Variants in PAK5 observed in about 807,000 individuals in gnomAD.
PAK5 encodes the protein p21 (RAC1) activated kinase 5, also known as serine/threonine-protein kinase PAK 5.
Under a neutral mutation model 65.9 loss-of-function variants are expected in PAK5, and 16 were observed. The ratio of observed to expected loss-of-function variants is 0.24; its 90% confidence interval spans 0.16 to 0.37. The LOEUF is 0.37. Among genes scored for constraint, PAK5 ranks in the 10% least tolerant of loss-of-function variants. The pLI is 1.00. For synonymous variants in PAK5, 371 were observed against 354.9 expected, an observed-to-expected ratio of 1.05 and a Z score of -0.51; for missense variants, 785 against 903.9, an observed-to-expected ratio of 0.87 and a Z score of 1.69.
intron 1 of PAK5, among the ~76,000 whole-genome samples, chr20:9,759,126 A>G (rs1441107328): frequency 6.6e-6 from 1 of 152,172 alleles, no homozygotes; most frequent in Non-Finnish European, 1.5e-5. Context: ...GGAAGATTTC[A>G]CTTAACACTA....
At position 9,690,107 on chromosome 20, in the gene PAK5, G is replaced by A. The variant is rs2047772081; in HGVS notation, c.-12+21179C>T. On this transcript the variant is annotated intron_variant, in intron 2 of 9. Transcript: ENST00000353224. ...ATAAAAATAGGAATTGACTCACTTA[G>A]GTCAGCTGATAGAAAAACTGTCAGC... Among the ~76,000 whole-genome samples, 3 of 152,184 alleles carry A rather than the reference G, an allele frequency of 2.0e-5. No individual in the cohort carries two copies. In the South Asian group the frequency reaches 6.2e-4, roughly 31 times the overall value.
At chr20:9,577,175 C>T (rs1328528422) in intron 4 of PAK5, among the ~76,000 whole-genome samples, 1 of 151,964 alleles carries the variant, frequency 6.6e-6, no homozygotes, top group Non-Finnish European at 1.5e-5. Context: ...TCCCACCCTC[C>T]CAACCCCAGG....
At chr20:9,641,830 A>G (rs7266281) in intron 3 of PAK5, among the ~76,000 whole-genome samples, 55,746 of 151,904 alleles carry the variant, frequency 0.37, 10,464 homozygotes, top group Non-Finnish European at 0.4. Flanking sequence ...CCACTGGCCC[A>G]GGTGCTAAGT....
At chr20:9,777,020 A>G (rs2048894228) in intron 1 of PAK5, among the ~76,000 whole-genome samples, 1 of 152,208 alleles carries the variant, frequency 6.6e-6, no homozygotes, top group South Asian at 2.1e-4. Context: ...ATGGAAAGGT[A>G]TTAGTGCAAT....
At chr20:9,834,682 G>A (rs1979003870) in intron 1 of PAK5, among the ~76,000 whole-genome samples, 1 of 152,126 alleles carries the variant, frequency 6.6e-6, no homozygotes, top group Admixed American at 6.6e-5. Flanking sequence ...TAAGTGTGGG[G>A]TTCTGTGTTA....
At chr20:9,629,285 T>C (rs777935637) in intron 3 of PAK5, among the ~76,000 whole-genome samples, 2 of 152,188 alleles carry the variant, frequency 1.3e-5, no homozygotes, top group South Asian at 2.1e-4. Flanking sequence ...ATTTGTTACA[T>C]AGCAATAGAA....
At chr20:9,802,910 G>GTATATATATATATATA (rs57705525) in intron 1 of PAK5, among the ~76,000 whole-genome samples, 3,671 of 46,218 alleles carry the variant, frequency 0.079, 410 homozygotes, top group Non-Finnish European at 0.1. Flanking sequence ...ATATGTATGT[G>GTATATATATATATATA]TATATATATA....
At chr20:9,592,361 A>G (rs919513377) in intron 3 of PAK5, among the ~76,000 whole-genome samples, 4 of 152,336 alleles carry the variant, frequency 2.6e-5, no homozygotes, top group Non-Finnish European at 5.9e-5. Context: ...ATTCCTTGAT[A>G]TTCATTACTA....
At chr20:9,711,261 AC>A (rs2048074048) in intron 2 of PAK5, 24 bp downstream of exon 2, 1 of 152,172 alleles carries the variant, frequency 6.6e-6, no homozygotes, top group Non-Finnish European at 1.5e-5. Flanking sequence ...AAAGGACAAA[AC>A]CATAAGGTAA....
At chr20:9,807,415 G>A (rs559369757) in intron 1 of PAK5, among the ~76,000 whole-genome samples, 8 of 152,086 alleles carry the variant, frequency 5.3e-5, no homozygotes, top group Non-Finnish European at 7.4e-5. Flanking sequence ...GCAGGGTGGA[G>A]CTTAAATTAG....
chr20:9,782,319 A>G (rs1398763965), intron 1 of PAK5, among the ~76,000 whole-genome samples: 3 of 152,006 alleles, frequency 2.0e-5, no homozygotes, highest in African/African-American at 4.8e-5. Flanking sequence ...TCCCACCACT[A>G]TACTCCAACC....
chr20:9,770,371 T>C (rs924194117), intron 1 of PAK5, among the ~76,000 whole-genome samples: 1 of 151,686 alleles, frequency 6.6e-6, no homozygotes, highest in Non-Finnish European at 1.5e-5. Context: ...AAGGTGAAAA[T>C]GAGGGAGAAG....
intron 3 of PAK5, among the ~76,000 whole-genome samples, chr20:9,610,262 G>T (rs1057045378): frequency 7.9e-5 from 12 of 152,218 alleles, no homozygotes; most frequent in Non-Finnish European, 1.8e-4. Flanking sequence ...AGGCATCAAA[G>T]AAATGGAAGA....
intron 1 of PAK5, among the ~76,000 whole-genome samples, chr20:9,829,338 C>G (rs1423707353): frequency 6.6e-6 from 1 of 152,108 alleles, no homozygotes; most frequent in Non-Finnish European, 1.5e-5. Flanking sequence ...GGTTCAAGGA[C>G]CTCAGATAAA....
intron 7 of PAK5, 57 bp from the exon 8 acceptor site, chr20:9,544,551 C>T (rs948959241): frequency 1.8e-5 from 27 of 1,517,602 alleles, no homozygotes; most frequent in South Asian, 6.8e-5. Flanking sequence ...CTGCTAGACA[C>T]GAAAATACAA....
At chr20:9,542,070 C>T (rs2045273885) in intron 9 of PAK5, among the ~76,000 whole-genome samples, 1 of 152,140 alleles carries the variant, frequency 6.6e-6, no homozygotes, top group Non-Finnish European at 1.5e-5. Flanking sequence ...CTCATACAAC[C>T]AGCTTTCAAT....
At position 9,568,042 on chromosome 20, in the gene PAK5, C is replaced by T. The variant is rs572053485; in HGVS notation, c.991-1658G>A. Among the ~76,000 whole-genome samples, 74 of 152,224 alleles carry T rather than the reference C, an allele frequency of 4.9e-4. 2 individuals are homozygous for T. Among genetic ancestry groups the T allele is most frequent in the African/African-American group, 1.6e-3 (66 of 41,534 alleles). On this transcript the variant is annotated intron_variant, in intron 4 of 9. Transcript: ENST00000353224. ...TAGTTTGTGAGGAAGAGCAGACGCT[C>T]AGCTATAGTGGAGTGTGTCCACTAA... is the stretch of plus-strand genomic sequence containing the variant.
At chr20:9,558,046 T>TCATTCATTCATC (rs1568961917) in intron 6 of PAK5, among the ~76,000 whole-genome samples, 1 of 151,468 alleles carries the variant, frequency 6.6e-6, no homozygotes, top group African/African-American at 2.4e-5. Context: ...ATTTATTTAT[T>TCATTCATTCATC]CATTCATTCA....
intron 1 of PAK5, among the ~76,000 whole-genome samples, chr20:9,766,283 A>C (rs28733511): frequency 0.27 from 17,904 of 66,146 alleles, 3,894 homozygotes; most frequent in Middle Eastern, 0.38. Context: ...ATATATTCTA[A>C]TTGAATATAT....
Sources: allele counts gnomAD v4.1 joint callset (sites outside exome capture counted in the v4.1 genomes callset), GRCh38; gene constraint gnomAD v4.1.1; transcripts MANE v1.5; gene names NCBI Gene and HGNC (gene_info 2026-07-23, HGNC 2026-07-21).